The following MTUS1 variants were observed in gnomAD, a reference collection of about 807,000 sequenced individuals.
The protein encoded by MTUS1 is microtubule-associated tumor suppressor 1.
A neutral mutation model predicts 120.8 loss-of-function variants in MTUS1; 109 were observed. The observed-to-expected ratio is 0.90, with a 90% CI of 0.77 to 1.06. The LOEUF (loss-of-function observed/expected upper bound fraction) is 1.06. Among genes scored for constraint, MTUS1 ranks in the 50% least tolerant of loss-of-function variants. MTUS1 has a pLI of 0.00. For missense variants in MTUS1, 2,210 were observed against 1,486.3 expected, an observed-to-expected ratio of 1.49 and a Z score of -8.01; for synonymous variants, 737 against 550.5, an observed-to-expected ratio of 1.34 and a Z score of -4.74.
chr8:17,709,136 CAAA>C (rs11462531), intron 6 of MTUS1, among the ~76,000 whole-genome samples: 1 of 137,572 alleles, frequency 7.3e-6, no homozygotes, highest in Non-Finnish European at 1.6e-5. Flanking sequence ...GACTCTGCCT[CAAA>C]AAAAAAAAAA....
intron 1 of MTUS1, among the ~76,000 whole-genome samples, chr8:17,774,920 T>A (rs1586329832): frequency 1.7e-5 from 2 of 119,636 alleles, no homozygotes; most frequent in Admixed American, 2.0e-4. Flanking sequence ...TAAAAAAGAA[T>A]GAAATTCTGT....
Position 17,767,353 on chromosome 8 carries a change from C to T in MTUS1, c.-154-11392G>A, listed in dbSNP as rs556898612. 2.4e-3 allele frequency among the ~76,000 whole-genome samples: 366 copies of T among 151,488 alleles called. 6 individuals are homozygous for T. Among genetic ancestry groups the T allele is most frequent in the South Asian group, 1.0e-3 (5 of 4,776 alleles). On this transcript the variant is annotated intron_variant, in intron 1 of 14. Coordinates refer to ENST00000693296, the MANE Select transcript of MTUS1 (RefSeq NM_001363059.2). Reference sequence around the variant, plus strand: ...TTTGATATATGAATGTATTGTTTTTCCATGTGGTGATTAAAGCTTCCATTA... The same window carrying T: ...TTTGATATATGAATGTATTGTTTTTTCATGTGGTGATTAAAGCTTCCATTA...
At chr8:17,760,682 A>G (rs1288129748) in intron 1 of MTUS1, among the ~76,000 whole-genome samples, 1 of 152,186 alleles carries the variant, frequency 6.6e-6, no homozygotes, top group Non-Finnish European at 1.5e-5. Flanking sequence ...CTGACTCATA[A>G]GCAAAGTCTT....
At chr8:17,716,656 G>C (rs1273651444) in intron 4 of MTUS1, 1 of 152,828 alleles carries the variant, frequency 6.5e-6, no homozygotes, top group East Asian at 1.9e-4. Context: ...CCGGGTTCAC[G>C]CCATTCTCCT....
intron 3 of MTUS1, among the ~76,000 whole-genome samples, chr8:17,733,776 C>A (rs1029142340): frequency 6.6e-6 from 1 of 152,188 alleles, no homozygotes; most frequent in South Asian, 2.1e-4. Context: ...TGACCTCAAT[C>A]TCTACATTCT....
At chr8:17,719,835 C>G (rs1004226304) in intron 4 of MTUS1, among the ~76,000 whole-genome samples, 2 of 152,146 alleles carry the variant, frequency 1.3e-5, no homozygotes, top group African/African-American at 2.4e-5. Context: ...AAGATCCACC[C>G]TATTCTTTAT....
intron 7 of MTUS1, among the ~76,000 whole-genome samples, chr8:17,678,122 G>C (rs1407171080): frequency 2.0e-5 from 3 of 152,132 alleles, no homozygotes; most frequent in African/African-American, 4.8e-5. Flanking sequence ...TACTGTAAAA[G>C]ACACATACTA....
chr8:17,782,532 C>T (rs1462705057), intron 1 of MTUS1, among the ~76,000 whole-genome samples: 3 of 151,978 alleles, frequency 2.0e-5, no homozygotes, highest in Non-Finnish European at 4.4e-5. Flanking sequence ...AGCATAAGAC[C>T]CTCAAATTAG....
intron 1 of MTUS1, among the ~76,000 whole-genome samples, chr8:17,772,870 C>T (rs1413907499): frequency 2.0e-5 from 3 of 152,058 alleles, no homozygotes; most frequent in Non-Finnish European, 2.9e-5. Context: ...ACATAAGGTG[C>T]CCTTGAAAAG....
rs1808162997 is a variant in MTUS1 at position 17,656,081 on chromosome 8, AAAGAAGAGGG to A, written c.2906-26_2906-17del. ...GAAGCAGTGACTGAAAACAGAGGAG[AAAGAAGAGGG>A]AAGAGGTCATTTTATTTGTGAAATG... On this transcript the variant is annotated splice_polypyrimidine_tract_variant and intron_variant, in intron 8 of 14. Transcript: ENST00000693296. 6.2e-7 allele frequency: 1 copy of A among 1,612,280 alleles called. No individual in the cohort carries two copies. Among genetic ancestry groups the A allele is most frequent in the Non-Finnish European group, 8.5e-7 (1 of 1,178,432 alleles).
chr8:17,743,430 T>A (rs767566653), intron 3 of MTUS1, among the ~76,000 whole-genome samples, 174 bp downstream of exon 3: 1 of 152,200 alleles, frequency 6.6e-6, no homozygotes, highest in Admixed American at 6.5e-5. Flanking sequence ...AGCCTTTGCC[T>A]TGCTCAAAGA....
intron 7 of MTUS1, among the ~76,000 whole-genome samples, chr8:17,683,860 T>C (rs376499829): frequency 6.4e-4 from 97 of 152,326 alleles, no homozygotes; most frequent in Non-Finnish European, 1.3e-3. Context: ...GAGATTGTTT[T>C]AGGAATAAAC....
At chr8:17,767,919 G>C (rs1209671858) in intron 1 of MTUS1, among the ~76,000 whole-genome samples, 2 of 152,114 alleles carry the variant, frequency 1.3e-5, no homozygotes, top group African/African-American at 2.4e-5. Flanking sequence ...GGAGAGACTA[G>C]ACGCACGAAA....
At position 17,754,617 on chromosome 8, in the gene MTUS1, T is replaced by C. The variant is rs2048458023; in HGVS notation, c.1191A>G (p.Leu397=). ...CCACCTTTTGTCCTGGCGGGCTACT[T>C]AGAATCAATTCTGAGGTATGATTTT... ...GTQNHTSELI[L]SSPPGQKVGS... The change falls in exon 2 of 15, where the codon CTA becomes CTG. Residue 397 remains leucine, a synonymous_variant. Transcript: ENST00000693296. 5.0e-6 allele frequency: 8 copies of C among 1,614,230 alleles called. No individual in the cohort carries two copies. The East Asian group carries it at 1.8e-4, about 36-fold the overall frequency.
rs1283516340 is a variant in MTUS1, at chr8:17,755,035, G to A, written c.773C>T (p.Ser258Leu). 1.2e-6 allele frequency: 2 copies of A among 1,613,738 alleles called. No homozygotes were observed. Among genetic ancestry groups the A allele is most frequent in the East Asian group, 4.5e-5 (2 of 44,890 alleles). Reference protein sequence around the residue: ...DVVMQSEVFVSDIGNQCACSS... With the variant: ...DVVMQSEVFVLDIGNQCACSS... ...ACATGCACACTGATTTCCAATATCTGAAACAAAAACCTCACTTTGCATCAC... is the reference window on the plus strand; with the variant it reads ...ACATGCACACTGATTTCCAATATCTAAAACAAAAACCTCACTTTGCATCAC... Residue 258 changes from serine to leucine, a missense_variant, in exon 2 of 15, where the codon TCA becomes TTA. Coordinates refer to ENST00000693296, the MANE Select transcript of MTUS1 (RefSeq NM_001363059.2).
At chr8:17,648,776 G>C (rs1482791072) in intron 13 of MTUS1, among the ~76,000 whole-genome samples, 1 of 152,248 alleles carries the variant, frequency 6.6e-6, no homozygotes, top group Admixed American at 6.5e-5. Context: ...GTTTGGGTTT[G>C]AATGAGGCAC....
At chr8:17,680,512 G>T in intron 7 of MTUS1, among the ~76,000 whole-genome samples, 1 of 142,728 alleles carries the variant, frequency 7.0e-6, no homozygotes, top group African/African-American at 2.6e-5. Context: ...TTCTGGAGCT[G>T]TATTCAGTGC....
intron 1 of MTUS1, among the ~76,000 whole-genome samples, chr8:17,760,079 G>A (rs888617030): frequency 3.4e-5 from 5 of 146,240 alleles, no homozygotes; most frequent in African/African-American, 7.6e-5. Flanking sequence ...TTTTTAGCAC[G>A]GTGGTGCATG....
At chr8:17,764,402 C>CAAA (rs11400332) in intron 1 of MTUS1, among the ~76,000 whole-genome samples, 46 of 138,302 alleles carry the variant, frequency 3.3e-4, no homozygotes, top group South Asian at 6.9e-4. Flanking sequence ...AAGAAAACTG[C>CAAA]AAAAAAAAAA....
Sources: allele counts gnomAD v4.1 joint callset (sites outside exome capture counted in the v4.1 genomes callset), GRCh38; gene constraint gnomAD v4.1.1; transcripts MANE v1.5; gene names NCBI Gene and HGNC (gene_info 2026-07-23, HGNC 2026-07-21).